RAB3IL1: variants seen among roughly 807,000 people sequenced by gnomAD.
RAB3IL1 encodes the protein guanine nucleotide exchange factor for Rab-3A.
In RAB3IL1, 37 loss-of-function variants were observed where a neutral mutation model predicts 49.2. The observed-to-expected ratio is 0.75, with a 90% confidence interval of 0.58 to 0.99. RAB3IL1 has a LOEUF of 0.99. Among genes scored for constraint, RAB3IL1 ranks in the 50% least tolerant of loss-of-function variants. The pLI, the probability that RAB3IL1 is intolerant of heterozygous loss-of-function variation, is 0.00. For synonymous variants in RAB3IL1, 193 were observed against 213.9 expected (o/e 0.90, Z 0.85); for missense variants, 484 against 513.0 (o/e 0.94, Z 0.55).
At chr11:61,920,662 G>A (rs1475276194), upstream of RAB3IL1, among the ~76,000 whole-genome samples, 1 of 152,206 alleles carries the variant, frequency 6.6e-6, no homozygotes, top group African/African-American at 2.4e-5. Context: ...GGAGGCTCAC[G>A]CCTGTAATCC....
At chr11:61,939,607 AT>A in the RAB3IL1 span, among the ~76,000 whole-genome samples, 1 of 151,812 alleles carries the variant, frequency 6.6e-6, no homozygotes, top group Non-Finnish European at 1.5e-5. Flanking sequence ...GATCAAGAAA[AT>A]TGATGAAACT....
intron 1 of RAB3IL1, among the ~76,000 whole-genome samples, chr11:61,908,544 G>A (rs1023653049): frequency 3.9e-5 from 6 of 152,254 alleles, no homozygotes; most frequent in African/African-American, 1.4e-4. Flanking sequence ...GCCCAGGGCT[G>A]AGGGCTGTGT....
the RAB3IL1 span, among the ~76,000 whole-genome samples, chr11:61,935,319 C>A: frequency 6.6e-6 from 1 of 150,886 alleles, no homozygotes; most frequent in Non-Finnish European, 1.5e-5. Context: ...ACTTGGGAGG[C>A]TGAGGCAGGA....
intron 5 of RAB3IL1, among the ~76,000 whole-genome samples, chr11:61,905,642 TC>T (rs752215492): frequency 6.6e-6 from 1 of 150,830 alleles, no homozygotes; most frequent in Non-Finnish European, 1.5e-5. Flanking sequence ...AGCTCAGAGC[TC>T]AGGAGGTGGA....
chr11:61,899,276 G>A (rs759814679), intron 9 of RAB3IL1, 38 bp downstream of exon 9: 12 of 1,586,866 alleles, frequency 7.6e-6, no homozygotes, highest in African/African-American at 4.0e-5. Flanking sequence ...CCCCACTCCC[G>A]TGTGCGATCC....
chr11:61,908,030 C>T (rs771995312), intron 2 of RAB3IL1, 24 bp downstream of exon 2: 21 of 1,594,370 alleles, frequency 1.3e-5, no homozygotes, highest in Non-Finnish European at 1.5e-5. Context: ...ACCGAAGACC[C>T]CCCAGCCTAC....
In RAB3IL1 at chr11:61,898,074, G is replaced by T; in HGVS notation, c.*204C>A. On this transcript the variant is annotated 3_prime_UTR_variant, in exon 10 of 10. Coordinates refer to ENST00000394836, the MANE Select transcript of RAB3IL1 (RefSeq NM_013401.4). The surrounding 1 kb of genome is among the most constrained non-coding windows in gnomAD (Gnocchi z 5.1). ...TGGCAGAACCCAGTGGGGAAGAGAG[G>T]GGGGTCTTGCCGTGAAGTCCAGGCC... 1.8e-6 allele frequency: 1 copy of T among 570,332 alleles called. No individual in the cohort carries two copies. Among genetic ancestry groups the T allele is most frequent in the East Asian group, 3.0e-5 (1 of 33,092 alleles). 35.3% of individuals were successfully genotyped at this position (570,332 alleles called of 1,614,324 possible). A position where few individuals can be genotyped will look rare whatever the true frequency, so the allele number is the denominator to read the frequency against.
intron 1 of RAB3IL1, among the ~76,000 whole-genome samples, chr11:61,911,413 C>T (rs774646455): frequency 2.0e-5 from 3 of 152,194 alleles, no homozygotes; most frequent in Non-Finnish European, 4.4e-5. Context: ...TCCTGAGACT[C>T]AGAAATTTCA....
chr11:61,904,319 G>A (rs1939064021), intron 7 of RAB3IL1, among the ~76,000 whole-genome samples: 1 of 152,112 alleles, frequency 6.6e-6, no homozygotes, highest in Non-Finnish European at 1.5e-5. Context: ...AGAAGGGGAG[G>A]GCACAGAGCA....
chr11:61,930,391 A>T, the RAB3IL1 span, among the ~76,000 whole-genome samples: 1 of 152,246 alleles, frequency 6.6e-6, no homozygotes, highest in African/African-American at 2.4e-5. Flanking sequence ...AATATTTTTT[A>T]AAAAGGCATA....
chr11:61,898,232 G>A lies in RAB3IL1; in HGVS notation c.*46C>T. 6.4e-7 allele frequency: 1 copy of A among 1,557,860 alleles called. No individual in the cohort carries two copies. The highest frequency in any genetic ancestry group is 1.1e-5 in the South Asian group (1 of 89,944). ...CTGTGTGTCGGCTTGTTCTGGGGTG[G>A]GTGTTTGCTCTGTCTCAGAGCTCCC... On this transcript the variant is annotated 3_prime_UTR_variant, in exon 10 of 10. Coordinates refer to ENST00000394836, the MANE Select transcript of RAB3IL1 (RefSeq NM_013401.4). This position sits in a 1 kb window ranked among gnomAD's most constrained non-coding sequence, Gnocchi z 5.1.
At position 61,906,099 on chromosome 11, in the gene RAB3IL1, CCT is replaced by C. The variant is rs1465178413; in HGVS notation, c.657+365_657+366del. Among the ~76,000 whole-genome samples the C allele has an allele frequency of 1.3e-5, 2 of 152,110 alleles. No individual in the cohort carries two copies. The highest frequency in any genetic ancestry group is 2.4e-5 in the African/African-American group (1 of 41,416). ...CACACGGGGTCCAGGCAGCCTCTCC[CCT>C]GAGGCCCAGTGGCTGCTGCTTGGCC... On this transcript the variant is annotated intron_variant, in intron 5 of 9. Coordinates refer to ENST00000394836, the MANE Select transcript of RAB3IL1 (RefSeq NM_013401.4). This position sits in a 1 kb window ranked among gnomAD's most constrained non-coding sequence, Gnocchi z 4.6.
At chr11:61,922,088 A>T (rs1939921527), upstream of RAB3IL1, among the ~76,000 whole-genome samples, 1 of 152,118 alleles carries the variant, frequency 6.6e-6, no homozygotes, top group Non-Finnish European at 1.5e-5. Flanking sequence ...GGGCGCCTGT[A>T]GTCCCAGCTA....
upstream of RAB3IL1, chr11:61,920,364 G>T: frequency 2.4e-6 from 2 of 843,514 alleles, no homozygotes; most frequent in Non-Finnish European, 3.1e-6. Context: ...CTTCAACCCC[G>T]TAATTATTAA....
the RAB3IL1 span, among the ~76,000 whole-genome samples, chr11:61,938,860 AG>A: frequency 6.6e-6 from 1 of 152,034 alleles, no homozygotes; most frequent in African/African-American, 2.4e-5. Flanking sequence ...TGGGAGGTGG[AG>A]GTTGCGGTGA....
At chr11:61,939,570 T>C in the RAB3IL1 span, among the ~76,000 whole-genome samples, 1 of 149,338 alleles carries the variant, frequency 6.7e-6, no homozygotes, top group Non-Finnish European at 1.5e-5. Context: ...AAAGAATCAA[T>C]GAAAACAAAA....
intron 1 of RAB3IL1, among the ~76,000 whole-genome samples, chr11:61,911,707 A>AGCCT (rs1939460076): frequency 6.6e-6 from 1 of 152,138 alleles, no homozygotes; most frequent in African/African-American, 2.4e-5. Flanking sequence ...TCTGGAAAGG[A>AGCCT]GCCTGTTCAG....
At chr11:61,934,351 C>CACAT in the RAB3IL1 span, among the ~76,000 whole-genome samples, 1 of 91,264 alleles carries the variant, frequency 1.1e-5, no homozygotes, top group African/African-American at 3.3e-5. Context: ...CACACACACA[C>CACAT]ATATGTATAT....
At chr11:61,923,778 G>A (rs1453687900), upstream of RAB3IL1, among the ~76,000 whole-genome samples, 8 of 152,170 alleles carry the variant, frequency 5.3e-5, no homozygotes, top group African/African-American at 1.7e-4. Flanking sequence ...TGGACAGCGC[G>A]GATGGAATGT....
Sources: gnomAD v4.1 joint callset for allele counts (sites outside exome capture counted in the v4.1 genomes callset) on GRCh38, gnomAD v4.1.1 for gene constraint, Gnocchi (gnomAD v3.1) non-coding constraint, MANE v1.5 for transcripts, NCBI Gene and HGNC (gene_info 2026-07-23, HGNC 2026-07-21) for gene names.